Variants in SGSM3 observed in about 807,000 individuals in gnomAD.
SGSM3 encodes the protein small G protein signaling modulator 3, also known as RUN and SH3 containing 3.
In SGSM3, 96 loss-of-function variants were observed where a neutral mutation model predicts 100.5. That is an observed-to-expected ratio of 0.96 (90% CI 0.81 to 1.13). SGSM3 has a LOEUF of 1.13. SGSM3 is among the 50% of genes most tolerant of loss of function. SGSM3 has a pLI of 0.00. For missense variants in SGSM3, 1,001 were observed against 1,015.8 expected (o/e 0.99, Z 0.20); for synonymous variants, 483 against 422.8 (o/e 1.14, Z -1.75).
At chr22:40,406,312 A>G (rs2051505794) in intron 9 of SGSM3, 89 bp downstream of exon 9, 4 of 1,560,012 alleles carry the variant, frequency 2.6e-6, no homozygotes, top group Non-Finnish European at 3.5e-6. Flanking sequence ...AGGCAAGACC[A>G]GCCCCCTGGC....
intron 1 of SGSM3, among the ~76,000 whole-genome samples, chr22:40,386,934 C>CA (rs891967960): frequency 6.6e-6 from 1 of 152,092 alleles, no homozygotes; most frequent in Non-Finnish European, 1.5e-5. Context: ...TTTTCACACA[C>CA]AAAAAATTTT....
At position 40,402,153 on chromosome 22, in the gene SGSM3, A is replaced by G. The variant is rs768272270; in HGVS notation, c.105A>G (p.Ala35=). 4 of 1,613,992 alleles carry G rather than the reference A, an allele frequency of 2.5e-6. No homozygotes were observed. The highest frequency in any genetic ancestry group is 1.6e-4 in the Middle Eastern group (1 of 6,062). The change falls in exon 4 of 22, where the codon GCA becomes GCG. Residue 35 remains alanine, a synonymous_variant. Transcript: ENST00000248929. The part of the protein sequence containing the change: ...LAKYTQKEES[A]EQPEFYYDEF... ...CCTGATTCTAGAAGGAAGAGTCAGC[A>G]GAGCAACCAGAGTTCTACTACGATG...
intron 1 of SGSM3, among the ~76,000 whole-genome samples, chr22:40,377,576 C>G (rs2046847712): frequency 6.6e-6 from 1 of 152,190 alleles, no homozygotes; most frequent in Non-Finnish European, 1.5e-5. Flanking sequence ...TGGCTCACGC[C>G]TGTAATCCCA....
intron 1 of SGSM3, among the ~76,000 whole-genome samples, chr22:40,373,743 G>A (rs1349002926): frequency 6.6e-6 from 1 of 151,578 alleles, no homozygotes. Flanking sequence ...AGCCTCCCGA[G>A]TAGCTGAGAC....
chr22:40,406,248 TGAG>T (rs2051489836), intron 9 of SGSM3, 25 bp downstream of exon 9: 1 of 1,612,646 alleles, frequency 6.2e-7, no homozygotes, highest in Middle Eastern at 1.7e-4. Context: ...CACTTCAGGC[TGAG>T]GAGTAGGCAC....
chr22:40,376,716 G>A (rs1038917400), intron 1 of SGSM3, among the ~76,000 whole-genome samples: 3 of 151,964 alleles, frequency 2.0e-5, no homozygotes, highest in African/African-American at 7.3e-5. Flanking sequence ...AAGATTGGTG[G>A]AGTCAGGATT....
intron 1 of SGSM3, chr22:40,390,595 A>G (rs1248216856): frequency 6.6e-6 from 1 of 152,240 alleles, no homozygotes; most frequent in African/African-American, 2.4e-5. Context: ...TGCTGGGCCA[A>G]AGAACCTCTG....
chr22:40,408,287 C>A lies in SGSM3; in HGVS notation c.1640C>A (p.Ala547Glu). The change falls in exon 16 of 22, where the codon GCG becomes GAG. Residue 547 changes from alanine (A) to glutamate (E), a missense_variant. Physicochemically the swap from Ala to Glu is moderately radical, Grantham distance 107. Coordinates refer to ENST00000248929, the MANE Select transcript of SGSM3 (RefSeq NM_015705.6). Reference sequence around the variant, plus strand: ...CATCCCTCCCATCAGTACTCCATCGCGGGGGATGACTCGGTGACGGAGGGG... The same window carrying A: ...CATCCCTCCCATCAGTACTCCATCGAGGGGGATGACTCGGTGACGGAGGGG... ...LDERSKEYSI[A>E]GDDSVTEGVT... 6.2e-7 allele frequency: 1 copy of A among 1,613,468 alleles called. No individual in the cohort carries two copies. Among genetic ancestry groups the A allele is most frequent in the Non-Finnish European group, 8.5e-7 (1 of 1,179,930 alleles).
chr22:40,395,878 T>C (rs2049982107), intron 1 of SGSM3, among the ~76,000 whole-genome samples: 1 of 152,190 alleles, frequency 6.6e-6, no homozygotes, highest in Non-Finnish European at 1.5e-5. Flanking sequence ...TTCTCCGTAA[T>C]CTTTCCTCTG....
chr22:40,398,354 G>A (rs1555932087), intron 1 of SGSM3, among the ~76,000 whole-genome samples: 1 of 141,112 alleles, frequency 7.1e-6, no homozygotes, highest in Non-Finnish European at 1.5e-5. Flanking sequence ...TCTTAGGGGT[G>A]CTCAGTCCCC....
chr22:40,397,217 A>T (rs547062630), intron 1 of SGSM3, among the ~76,000 whole-genome samples: 137 of 152,286 alleles, frequency 9.0e-4, no homozygotes, highest in African/African-American at 3.1e-3. Flanking sequence ...ACTTATATAC[A>T]TTACATACAT....
At chr22:40,391,365 T>C (rs1179664986) in intron 1 of SGSM3, among the ~76,000 whole-genome samples, 2 of 152,146 alleles carry the variant, frequency 1.3e-5, no homozygotes, top group African/African-American at 4.8e-5. Flanking sequence ...CCCAGCACTT[T>C]GGGAGGCTAA....
At chr22:40,401,518 T>C (rs2050756160) in intron 2 of SGSM3, 75 bp from the exon 3 acceptor site, 5 of 1,188,932 alleles carry the variant, frequency 4.2e-6, no homozygotes, top group African/African-American at 1.5e-5. Flanking sequence ...AGTACTGAGA[T>C]TACAGGCGTG....
chr22:40,393,840 A>C (rs2049695285), intron 1 of SGSM3, among the ~76,000 whole-genome samples: 1 of 152,170 alleles, frequency 6.6e-6, no homozygotes, highest in Admixed American at 6.5e-5. Context: ...ATGTGGGAGG[A>C]GGCTTCATGG....
At chr22:40,376,178 C>CTTTTTTTTTTT (rs10616868) in intron 1 of SGSM3, 8 of 86,844 alleles carry the variant, frequency 9.2e-5, no homozygotes, top group Non-Finnish European at 9.0e-5. Context: ...CAAATTACCA[C>CTTTTTTTTTTT]TTTTTTTTTT....
intron 1 of SGSM3, among the ~76,000 whole-genome samples, chr22:40,392,788 T>C (rs1273976474): frequency 6.6e-6 from 1 of 152,228 alleles, no homozygotes; most frequent in East Asian, 1.9e-4. Flanking sequence ...TTCCAGAACA[T>C]CTACATTAGC....
Position 40,408,667 on chromosome 22 carries a change from AT to A in SGSM3, c.1825del (p.Ser609ProfsTer18). ...REVERDFASV[Y>X]SRLVLCKTFR... Reference sequence around the variant, plus strand: ...GTCGAGAGAGACTTTGCCTCCGTGTATTCCCGTCTGGTGCTCTGTAAGACCT... The same window carrying A: ...GTCGAGAGAGACTTTGCCTCCGTGTATCCCGTCTGGTGCTCTGTAAGACCT... On this transcript the variant is annotated frameshift_variant, in exon 17 of 22. Transcript: ENST00000248929. LOFTEE classifies it high-confidence loss of function. 3.1e-6 allele frequency: 5 copies of A among 1,614,000 alleles called. No homozygotes were observed. The highest frequency in any genetic ancestry group is 3.4e-6 in the Non-Finnish European group (4 of 1,179,990).
intron 1 of SGSM3, among the ~76,000 whole-genome samples, chr22:40,392,097 A>G (rs1302489054): frequency 6.6e-6 from 1 of 152,068 alleles, no homozygotes; most frequent in East Asian, 1.9e-4. Context: ...TTAATACTTC[A>G]TTATAATAGG....
chr22:40,391,154 TCA>T lies in SGSM3; in HGVS notation c.-111-9541_-111-9540del, dbSNP rs1228611648. Among the ~76,000 whole-genome samples the T allele has an allele frequency of 2.0e-5, 3 of 152,172 alleles. No individual in the cohort carries two copies. The East Asian group carries it at 5.8e-4, about 29-fold the overall frequency. ...AAAGAGGAATTCAGGTCAGTGGTTC[TCA>T]AAGTGTGTTCCCTGGACCAAAAGCA... On this transcript the variant is annotated intron_variant, in intron 1 of 21. Coordinates refer to ENST00000248929, the MANE Select transcript of SGSM3 (RefSeq NM_015705.6).
Sources: gnomAD v4.1 joint callset for allele counts (sites outside exome capture counted in the v4.1 genomes callset) on GRCh38, gnomAD v4.1.1 for gene constraint, MANE v1.5 for transcripts, NCBI Gene and HGNC (gene_info 2026-07-23, HGNC 2026-07-21) for gene names.